LRRC8E: variants seen among roughly 807,000 people sequenced by gnomAD.
The protein encoded by LRRC8E is volume-regulated anion channel subunit LRRC8E.
Under a neutral mutation model 6.1 loss-of-function variants are expected in LRRC8E, and 6 were observed. The observed-to-expected ratio is 0.98, with a 90% CI of 0.54 to 1.93. The LOEUF is 1.93. LRRC8E is among the 30% of genes most tolerant of loss of function. LRRC8E has a pLI of 0.01. For synonymous variants in LRRC8E, 485 were observed against 472.8 expected, an observed-to-expected ratio of 1.03 and a Z score of -0.33; for missense variants, 1,028 against 1,031.4, an observed-to-expected ratio of 1.00 and a Z score of 0.04.
At position 7,898,905 on chromosome 19, in the gene LRRC8E, T is replaced by C. The variant is rs747567462; in HGVS notation, c.383T>C (p.Ile128Thr). The change falls in exon 3 of 3, where the codon ATC (isoleucine) becomes ACC (threonine). Residue 128 changes from isoleucine to threonine, a missense_variant. Physicochemically the swap from Ile to Thr is moderately conservative, Grantham distance 89. Transcript: ENST00000306708. ...TACCTCGTGGTCATTCACACACTCA[T>C]CTTCATGGTCTGCACCAGTTTCTGG... ...FPYLVVIHTL[I>T]FMVCTSFWFK... The C allele has an allele frequency of 3.1e-5, 50 of 1,614,092 alleles. No individual in the cohort carries two copies. The highest frequency in any genetic ancestry group is 8.3e-5 in the Admixed American group (5 of 60,008).
intron 1 of LRRC8E, among the ~76,000 whole-genome samples, chr19:7,891,211 G>T (rs1981290617): frequency 6.6e-6 from 1 of 152,174 alleles, no homozygotes; most frequent in African/African-American, 2.4e-5. Context: ...TCAGTGTCTG[G>T]TGGAGAAAGC....
intron 1 of LRRC8E, among the ~76,000 whole-genome samples, chr19:7,889,269 C>T (rs1385046070): frequency 6.6e-6 from 1 of 151,462 alleles, no homozygotes; most frequent in African/African-American, 2.4e-5. Context: ...CTGGCTAACA[C>T]GGTGAAACCC....
intron 1 of LRRC8E, among the ~76,000 whole-genome samples, chr19:7,893,017 T>C (rs750345869): frequency 2.0e-5 from 3 of 152,138 alleles, no homozygotes; most frequent in African/African-American, 4.8e-5. Flanking sequence ...TTATTTTGTT[T>C]TAGTTTTGAG....
At chr19:7,890,558 G>A (rs1981249897) in intron 1 of LRRC8E, among the ~76,000 whole-genome samples, 2 of 151,898 alleles carry the variant, frequency 1.3e-5, no homozygotes, top group South Asian at 4.2e-4. Flanking sequence ...GGGAGGCCGA[G>A]GCAGGCAGAT....
Position 7,899,962 on chromosome 19 carries a change from C to T in LRRC8E, c.1440C>T (p.Val480=), listed in dbSNP as rs796317738. ...SPARLPFSLQ[V]FLRDHLKVMR... is the part of the protein sequence containing the mutation. ...CCAGGCTACCCTTCTCCTTGCAGGTCTTCCTGCGGGACCACCTGAAGGTGA... is the reference window on the plus strand; with the variant it reads ...CCAGGCTACCCTTCTCCTTGCAGGTTTTCCTGCGGGACCACCTGAAGGTGA... Residue 480 remains valine (V), a synonymous_variant, in exon 3 of 3, where the codon GTC becomes GTT. Transcript: ENST00000306708. 7 of 1,609,358 alleles carry T rather than the reference C, an allele frequency of 4.3e-6. No individual in the cohort carries two copies. The highest frequency in any genetic ancestry group is 1.6e-4 in the Middle Eastern group (1 of 6,082).
At position 7,895,476 on chromosome 19, in the gene LRRC8E, T is replaced by C; in HGVS notation, c.-5-123T>C. ...AAGTGGGGGCACACACTTTGGTGGT[T>C]TGGACAAGTTTGGGCAGGGAGGGTC... On this transcript the variant is annotated intron_variant, in intron 1 of 2. Transcript: ENST00000306708. The surrounding 1 kb of genome is among the most constrained non-coding windows in gnomAD (Gnocchi z 4.7). 1 of 1,231,798 alleles carries C rather than the reference T, an allele frequency of 8.1e-7. No homozygotes were observed. Among genetic ancestry groups the C allele is most frequent in the East Asian group, 2.4e-5 (1 of 41,114 alleles). 76.3% of individuals were successfully genotyped at this position (1,231,798 alleles called of 1,614,324 possible).
intron 1 of LRRC8E, among the ~76,000 whole-genome samples, chr19:7,891,809 C>A (rs1248941760): frequency 3.3e-5 from 5 of 152,048 alleles, no homozygotes. Context: ...GAGGTTTCAC[C>A]ATGTTGGCCA....
intron 1 of LRRC8E, among the ~76,000 whole-genome samples, chr19:7,891,794 G>C (rs1487825022): frequency 6.6e-6 from 1 of 151,752 alleles, no homozygotes; most frequent in African/African-American, 2.4e-5. Flanking sequence ...ATTTTTAGTA[G>C]AGACGAGGTT....
At chr19:7,893,276 G>T (rs1184326379) in intron 1 of LRRC8E, among the ~76,000 whole-genome samples, 2 of 151,988 alleles carry the variant, frequency 1.3e-5, no homozygotes, top group Non-Finnish European at 2.9e-5. Context: ...AAAGTGCTGG[G>T]ATTACAGGCG....
rs960532792 is a variant in LRRC8E, at chr19:7,900,829, G to A, written c.2307G>A (p.Gly769=). 5 of 1,578,066 alleles carry A rather than the reference G, an allele frequency of 3.2e-6. No individual in the cohort carries two copies. Among genetic ancestry groups the A allele is most frequent in the Middle Eastern group, 3.4e-4 (2 of 5,860 alleles). The part of the protein sequence containing the change: ...ALPEELGNCG[G]LKKAGLLVED... The stretch of plus-strand genomic sequence containing the variant: ...CAGAAGAACTTGGCAACTGTGGGGG[G>A]CTCAAGAAGGCGGGGCTCCTGGTGG... The change falls in exon 3 of 3, where the codon GGG becomes GGA. Residue 769 remains glycine (G), a synonymous_variant. Coordinates refer to ENST00000306708, the MANE Select transcript of LRRC8E (RefSeq NM_025061.6). The surrounding 1 kb of genome is among the most constrained non-coding windows in gnomAD (Gnocchi z 5.0).
rs916537473 is a variant in LRRC8E, at chr19:7,900,882, C to T, written c.2360C>T (p.Ala787Val). ...VEDTLYQGLP[A>V]EVRDKMEEE ...GACACGCTTTACCAGGGTCTGCCGG[C>T]AGAAGTGCGGGACAAGATGGAGGAG... Residue 787 changes from alanine to valine, a missense_variant, in exon 3 of 3, where the codon GCA becomes GTA. Coordinates refer to ENST00000306708, the MANE Select transcript of LRRC8E (RefSeq NM_025061.6). The surrounding 1 kb of genome is among the most constrained non-coding windows in gnomAD (Gnocchi z 5.0). 8 of 1,530,764 alleles carry T rather than the reference C, an allele frequency of 5.2e-6. No homozygotes were observed. The highest frequency in any genetic ancestry group is 7.0e-6 in the Non-Finnish European group (8 of 1,141,424). The allele number at this position is 1,530,764 out of a possible 1,614,324, so 94.8% of individuals were successfully genotyped here. A position where few individuals can be genotyped will look rare whatever the true frequency, so the allele number is the denominator to read the frequency against.
chr19:7,897,192 CAG>C (rs1227312899), intron 2 of LRRC8E, among the ~76,000 whole-genome samples: 14 of 141,506 alleles, frequency 9.9e-5, no homozygotes, highest in East Asian at 8.8e-4. Context: ...TTTTTTTAGA[CAG>C]AGTCTCCCTC....
Position 7,899,540 on chromosome 19 carries a change from AAGG to A in LRRC8E, c.1021_1023del (p.Glu341del). 2 of 1,613,830 alleles carry A rather than the reference AAGG, an allele frequency of 1.2e-6. No individual in the cohort carries two copies. Among genetic ancestry groups the A allele is most frequent in the Non-Finnish European group, 1.7e-6 (2 of 1,180,030 alleles). On this transcript the variant is annotated inframe_deletion, in exon 3 of 3. Coordinates refer to ENST00000306708, the MANE Select transcript of LRRC8E (RefSeq NM_025061.6). Reference sequence around the variant, plus strand: ...CTACTGGCTCTTCCACCGGCCCCTCAAGGAGTACTCCTTCCGTTCCGTGCGGGA... The same window carrying A: ...CTACTGGCTCTTCCACCGGCCCCTCAAGTACTCCTTCCGTTCCGTGCGGGA...
chr19:7,900,540 G>T lies in LRRC8E; in HGVS notation c.2018G>T (p.Gly673Val). The change falls in exon 3 of 3, where the codon GGC (glycine) becomes GTC (valine). Residue 673 changes from glycine (G) to valine (V), a missense_variant. Coordinates refer to ENST00000306708, the MANE Select transcript of LRRC8E (RefSeq NM_025061.6). The surrounding 1 kb of genome is among the most constrained non-coding windows in gnomAD (Gnocchi z 5.0). Reference protein sequence around the residue: ...NKLETLPSQLGLCSGLRLLDV... With the variant: ...NKLETLPSQLVLCSGLRLLDV... ...CTGGAGACCCTGCCCTCCCAGCTCG[G>T]CCTGTGCTCAGGCCTCCGTCTGCTG... 1 of 1,613,070 alleles carries T rather than the reference G, an allele frequency of 6.2e-7. No individual in the cohort carries two copies. Among genetic ancestry groups the T allele is most frequent in the Non-Finnish European group, 8.5e-7 (1 of 1,180,042 alleles).
At chr19:7,894,844 T>C (rs890246999) in intron 1 of LRRC8E, among the ~76,000 whole-genome samples, 3 of 152,218 alleles carry the variant, frequency 2.0e-5, no homozygotes, top group Admixed American at 6.5e-5. Flanking sequence ...CTGACAACTT[T>C]CCATTTGCAA....
chr19:7,901,082 T>G lies in LRRC8E; in HGVS notation c.*169T>G. ...CCAGGAGGATCTGGGCTGGTTTGTC[T>G]GGGGAGACAGACAGGATGTTGTGGA... is the stretch of plus-strand genomic sequence containing the variant. On this transcript the variant is annotated 3_prime_UTR_variant, in exon 3 of 3. Coordinates refer to ENST00000306708, the MANE Select transcript of LRRC8E (RefSeq NM_025061.6). 1.8e-6 allele frequency: 1 copy of G among 566,134 alleles called. No homozygotes were observed. The allele number at this position is 566,134 out of a possible 1,614,324, so 35.1% of individuals were successfully genotyped here.
At position 7,899,385 on chromosome 19, in the gene LRRC8E, T is replaced by G; in HGVS notation, c.863T>G (p.Val288Gly). 6.2e-7 allele frequency: 1 copy of G among 1,614,158 alleles called. No individual in the cohort carries two copies. The change falls in exon 3 of 3, where the codon GTG becomes GGG. Residue 288 changes from valine (V) to glycine (G), a missense_variant. Coordinates refer to ENST00000306708, the MANE Select transcript of LRRC8E (RefSeq NM_025061.6). ...EKISFLVACR[V>G]ETSEVTGYAS... ...ATCAGTTTCCTGGTGGCCTGTAGGGTGGAGACGTCAGAGGTCACGGGCTAC... is the reference window on the plus strand; with the variant it reads ...ATCAGTTTCCTGGTGGCCTGTAGGGGGGAGACGTCAGAGGTCACGGGCTAC...
At position 7,892,965 on chromosome 19, in the gene LRRC8E, C is replaced by T. The variant is rs922082204; in HGVS notation, c.-5-2634C>T. On this transcript the variant is annotated intron_variant, in intron 1 of 2. Transcript: ENST00000306708. ...TCAGCCTCCCGAGTAACCGGGACTACAGGCACCCTCCACCATGACTGGCTG... is the reference window on the plus strand; with the variant it reads ...TCAGCCTCCCGAGTAACCGGGACTATAGGCACCCTCCACCATGACTGGCTG... Among the ~76,000 whole-genome samples, 25 of 152,224 alleles carry T rather than the reference C, an allele frequency of 1.6e-4. 1 individual carries two copies. Among genetic ancestry groups the T allele is most frequent in the Non-Finnish European group, 1.5e-5 (1 of 68,046 alleles).
rs1439611449 is a variant in LRRC8E, at chr19:7,891,553, G to GTT, written c.-6+2954_-6+2955insTT. Among the ~76,000 whole-genome samples, 5 of 146,192 alleles carry GTT rather than the reference G, an allele frequency of 3.4e-5. No individual in the cohort carries two copies. In the East Asian group the frequency reaches 5.9e-4, roughly 17 times the overall value. ...TGTGTGTGTGTGTGTGTGTTTGTGT[G>GTT]TGTGTGTGTGTGTTGTGTGATTTCT... On this transcript the variant is annotated intron_variant, in intron 1 of 2. Transcript: ENST00000306708.
Sources: allele counts gnomAD v4.1 joint callset (sites outside exome capture counted in the v4.1 genomes callset), GRCh38; gene constraint gnomAD v4.1.1; non-coding constraint Gnocchi (gnomAD v3.1); transcripts MANE v1.5; gene names NCBI Gene and HGNC (gene_info 2026-07-23, HGNC 2026-07-21).